Variants in TRPM3 observed in about 807,000 individuals in gnomAD.
The protein encoded by TRPM3 is long transient receptor potential channel 3.
Under a neutral mutation model 181.2 loss-of-function variants are expected in TRPM3, and 77 were observed. The ratio of observed to expected loss-of-function variants is 0.42; its 90% CI spans 0.35 to 0.51. The LOEUF is 0.51. Ranked by LOEUF, TRPM3 falls within the 20% of genes least tolerant of loss-of-function variation. The probability of loss-of-function intolerance (pLI) is 0.01; values close to 1 mark genes in which losing one functional copy is unlikely to be tolerated. For synonymous variants in TRPM3, 745 were observed against 796.4 expected, an observed-to-expected ratio of 0.94 and a Z score of 1.09; for missense variants, 1,759 against 2,196.7, an observed-to-expected ratio of 0.80 and a Z score of 3.98.
intron 1 of TRPM3, among the ~76,000 whole-genome samples, chr9:71,197,464 T>C (rs1339001490): frequency 1.3e-5 from 2 of 152,118 alleles, no homozygotes; most frequent in Non-Finnish European, 2.9e-5. Context: ...CCACAAGGGT[T>C]GAACTAGTTT....
chr9:71,190,955 C>G (rs2077984429), intron 1 of TRPM3, among the ~76,000 whole-genome samples: 1 of 151,814 alleles, frequency 6.6e-6, no homozygotes, highest in Non-Finnish European at 1.5e-5. Flanking sequence ...AAGCTTCAAT[C>G]CAAGCAAAGC....
intron 1 of TRPM3, among the ~76,000 whole-genome samples, chr9:71,007,039 C>CAAAAAAAAAAAAAAAAAAAAAAA (rs59442017): frequency 7.1e-4 from 20 of 27,982 alleles, no homozygotes; most frequent in Admixed American, 1.4e-3. Flanking sequence ...AACTCCATCT[C>CAAAAAAAAAAAAAAAAAAAAAAA]AAAAAAAAAA....
At chr9:70,601,903 C>G (rs957612909) in intron 20 of TRPM3, among the ~76,000 whole-genome samples, 1 of 152,160 alleles carries the variant, frequency 6.6e-6, no homozygotes, top group Non-Finnish European at 1.5e-5. Context: ...TTAAATCGCT[C>G]GAGTGCCAGC....
At chr9:70,966,264 G>A (rs1483870110) in intron 1 of TRPM3, among the ~76,000 whole-genome samples, 3 of 152,126 alleles carry the variant, frequency 2.0e-5, no homozygotes, top group African/African-American at 7.2e-5. Flanking sequence ...CAAGGTTACA[G>A]AGAAAAGGGA....
intron 1 of TRPM3, among the ~76,000 whole-genome samples, chr9:71,053,844 T>C (rs2060343592): frequency 6.6e-6 from 1 of 152,052 alleles, no homozygotes; most frequent in Non-Finnish European, 1.5e-5. Flanking sequence ...CATTAATACA[T>C]ATTACTGGCC....
chr9:71,224,979 G>T (rs1353000563), intron 1 of TRPM3, among the ~76,000 whole-genome samples: 1 of 152,108 alleles, frequency 6.6e-6, no homozygotes, highest in Non-Finnish European at 1.5e-5. Flanking sequence ...AGCCTCAAAA[G>T]AACCAATCTA....
At chr9:71,337,576 TG>T (rs1565476250) in intron 1 of TRPM3, among the ~76,000 whole-genome samples, 1 of 152,214 alleles carries the variant, frequency 6.6e-6, no homozygotes, top group Non-Finnish European at 1.5e-5. Context: ...ATTCCATTAC[TG>T]GGTATATACC....
At chr9:70,590,957 G>A (rs758182397) in intron 22 of TRPM3, 74 bp downstream of exon 22, 2 of 1,592,266 alleles carry the variant, frequency 1.3e-6, no homozygotes, top group East Asian at 2.2e-5. Flanking sequence ...ACAAACAAAT[G>A]AACTTGGAAA....
chr9:71,155,545 G>T (rs1286750358), intron 1 of TRPM3, among the ~76,000 whole-genome samples: 2 of 74,726 alleles, frequency 2.7e-5, no homozygotes, highest in Non-Finnish European at 5.4e-5. Flanking sequence ...AGTAGAGATG[G>T]GTTTTCACCA....
chr9:71,076,268 G>C (rs1305855446), intron 1 of TRPM3, among the ~76,000 whole-genome samples: 1 of 152,136 alleles, frequency 6.6e-6, no homozygotes, highest in South Asian at 2.1e-4. Context: ...CCAGAAAAAC[G>C]CTATGAATCA....
chr9:70,639,598 G>GCTCTGAGGGAGACTC (rs1363153513), intron 10 of TRPM3, among the ~76,000 whole-genome samples: 1 of 152,070 alleles, frequency 6.6e-6, no homozygotes, highest in East Asian at 1.9e-4. Context: ...GAGACCCCAG[G>GCTCTGAGGGAGACTC]CCAACTTGAG....
chr9:70,885,273 T>C (rs1283027088), intron 1 of TRPM3, among the ~76,000 whole-genome samples: 2 of 152,178 alleles, frequency 1.3e-5, no homozygotes, highest in African/African-American at 4.8e-5. Context: ...GTCTTGTGCC[T>C]TGTAGAATGT....
chr9:70,866,669 C>A (rs1443164818), intron 1 of TRPM3, among the ~76,000 whole-genome samples: 1 of 152,014 alleles, frequency 6.6e-6, no homozygotes, highest in Non-Finnish European at 1.5e-5. Context: ...TAGGAACCCA[C>A]AAGCCCTGGC....
intron 9 of TRPM3, among the ~76,000 whole-genome samples, chr9:70,642,792 A>C (rs954839425): frequency 1.3e-5 from 2 of 152,202 alleles, no homozygotes; most frequent in Admixed American, 1.3e-4. Context: ...ATGCATAAGT[A>C]CAATTCGGAG....
intron 1 of TRPM3, among the ~76,000 whole-genome samples, chr9:71,281,757 G>C (rs142231026): frequency 6.6e-6 from 1 of 152,132 alleles, no homozygotes; most frequent in Non-Finnish European, 1.5e-5. Flanking sequence ...ACAATGGTAA[G>C]GTACTGTAGA....
chr9:71,093,080 T>A (rs2066493646), intron 1 of TRPM3, among the ~76,000 whole-genome samples: 1 of 152,092 alleles, frequency 6.6e-6, no homozygotes, highest in Non-Finnish European at 1.5e-5. Flanking sequence ...ATACAAAAAT[T>A]AACTTAGGGT....
intron 1 of TRPM3, among the ~76,000 whole-genome samples, chr9:71,079,573 A>G (rs568596599): frequency 6.6e-6 from 1 of 152,272 alleles, no homozygotes; most frequent in South Asian, 2.1e-4. Context: ...CATATTCAGA[A>G]CTGTACCCTC....
chr9:70,949,518 C>T (rs976528866), intron 1 of TRPM3, among the ~76,000 whole-genome samples: 7 of 151,990 alleles, frequency 4.6e-5, no homozygotes, highest in South Asian at 4.2e-4. Context: ...AAGGACTTCT[C>T]CCCCATGCAG....
chr9:70,981,492 G>A (rs2097363156), intron 1 of TRPM3, among the ~76,000 whole-genome samples: 1 of 152,160 alleles, frequency 6.6e-6, no homozygotes. Context: ...AATGAATTGG[G>A]AAGTGCCTAA....
Sources: allele counts gnomAD v4.1 joint callset (sites outside exome capture counted in the v4.1 genomes callset), GRCh38; gene constraint gnomAD v4.1.1; transcripts MANE v1.5; gene names NCBI Gene and HGNC (gene_info 2026-07-23, HGNC 2026-07-21).